Variants in KLKB1 observed in about 807,000 individuals in gnomAD.
KLKB1 encodes plasma kallikrein.
Under a neutral mutation model 73.6 loss-of-function variants are expected in KLKB1, and 58 were observed. The ratio of observed to expected loss-of-function variants is 0.79; its 90% CI spans 0.64 to 0.98. KLKB1 has a LOEUF of 0.98. Among genes scored for constraint, KLKB1 ranks in the 50% least tolerant of loss-of-function variants. The pLI is 0.00. For synonymous variants in KLKB1, 280 were observed against 258.1 expected (o/e 1.08, Z -0.81); for missense variants, 737 against 763.8 (o/e 0.96, Z 0.41).
Position 186,251,656 on chromosome 4 carries a change from G to T in KLKB1, c.1031+7G>T, listed in dbSNP as rs1738682305. 1 of 1,613,358 alleles carries T rather than the reference G, an allele frequency of 6.2e-7. No homozygotes were observed. The highest frequency in any genetic ancestry group is 8.5e-7 in the Non-Finnish European group (1 of 1,179,542). On this transcript the variant is annotated splice_region_variant and intron_variant, in intron 9 of 14. Coordinates refer to ENST00000264690, the MANE Select transcript of KLKB1 (RefSeq NM_000892.5). ...AAGACTGTAAGGAAGAGAAGTAAAG[G>T]AAATTTTATTTTTCAAAGACAGTTG...
Position 186,252,020 on chromosome 4 carries a change from G to A in KLKB1, c.1148G>A (p.Cys383Tyr). 6.2e-7 allele frequency: 1 copy of A among 1,614,182 alleles called. No homozygotes were observed. Among genetic ancestry groups the A allele is most frequent in the Non-Finnish European group, 8.5e-7 (1 of 1,180,048 alleles). ...RLCNTGDNSVCTTKTSTRIVG... is the reference protein window; with the variant it reads ...RLCNTGDNSVYTTKTSTRIVG... ...AGCGTCAACGCTCTCTTTTCAGTCT[G>A]CACAACAAAAACAAGCACACGCATT... The change falls in exon 11 of 15, where the codon TGC becomes TAC. Residue 383 changes from cysteine (C) to tyrosine (Y), a missense_variant. Transcript: ENST00000264690.
chr4:186,216,328 G>T (rs10004932), intron 2 of KLKB1, among the ~76,000 whole-genome samples: 1 of 152,032 alleles, frequency 6.6e-6, no homozygotes, highest in Non-Finnish European at 1.5e-5. Context: ...GCAAGCCCCA[G>T]TCCTACCAGC....
chr4:186,219,610 C>T (rs1736989152), intron 2 of KLKB1, among the ~76,000 whole-genome samples: 1 of 152,182 alleles, frequency 6.6e-6, no homozygotes, highest in Non-Finnish European at 1.5e-5. Flanking sequence ...ATGACAATTA[C>T]AGTCCTCATT....
chr4:186,217,732 G>A (rs543402537), intron 2 of KLKB1, among the ~76,000 whole-genome samples: 1 of 152,234 alleles, frequency 6.6e-6, no homozygotes, highest in South Asian at 2.1e-4. Context: ...AAGGATAGAA[G>A]TTTGCAAGGA....
intron 3 of KLKB1, among the ~76,000 whole-genome samples, chr4:186,232,680 A>G (rs1737455646): frequency 6.6e-6 from 1 of 152,230 alleles, no homozygotes; most frequent in Non-Finnish European, 1.5e-5. Context: ...ACATTAGCGG[A>G]TAGCACAGTC....
At chr4:186,250,895 T>A in intron 7 of KLKB1, 1 of 376,670 alleles carries the variant, frequency 2.7e-6, no homozygotes, top group Non-Finnish European at 4.9e-6. Context: ...TGTCTAGTTA[T>A]GTAATATCAT....
chr4:186,239,860 C>T (rs1266715515), intron 6 of KLKB1, among the ~76,000 whole-genome samples: 1 of 146,230 alleles, frequency 6.8e-6, no homozygotes, highest in Non-Finnish European at 1.5e-5. Context: ...TGATATAGGA[C>T]AGTGATATTG....
At chr4:186,232,084 T>C in intron 2 of KLKB1, 43 bp from the exon 3 acceptor site, 2 of 1,499,410 alleles carry the variant, frequency 1.3e-6, no homozygotes, top group Non-Finnish European at 1.8e-6. Context: ...ATTAAAATTA[T>C]TATATGAATT....
At chr4:186,251,045 C>T in intron 7 of KLKB1, 174 bp from the exon 8 acceptor site, 1 of 597,602 alleles carries the variant, frequency 1.7e-6, no homozygotes, top group Non-Finnish European at 2.9e-6. Flanking sequence ...GCTTGATTTA[C>T]ATTTAATCTC....
At chr4:186,248,331 T>C (rs1738492351) in intron 6 of KLKB1, among the ~76,000 whole-genome samples, 1 of 151,956 alleles carries the variant, frequency 6.6e-6, no homozygotes, top group Non-Finnish European at 1.5e-5. Flanking sequence ...CTCCATTCCC[T>C]ACTCCTCCAA....
chr4:186,213,640 C>A (rs1471371290), intron 2 of KLKB1, among the ~76,000 whole-genome samples: 2 of 152,188 alleles, frequency 1.3e-5, no homozygotes, highest in Non-Finnish European at 2.9e-5. Context: ...AAACCACAGG[C>A]ATCACTGGTC....
At chr4:186,249,995 G>A (rs1738577961) in intron 6 of KLKB1, among the ~76,000 whole-genome samples, 1 of 152,154 alleles carries the variant, frequency 6.6e-6, no homozygotes, top group South Asian at 2.1e-4. Flanking sequence ...GGCAATGGTG[G>A]TGACTGGAGC....
upstream of KLKB1, among the ~76,000 whole-genome samples, chr4:186,226,969 T>C (rs1487870984): frequency 6.6e-6 from 1 of 152,068 alleles, no homozygotes; most frequent in African/African-American, 2.4e-5. Flanking sequence ...TGGTCTGGGG[T>C]GAGCATGGGG....
At chr4:186,228,309 A>C (rs775021465) in intron 2 of KLKB1, 56 bp downstream of exon 2, 71 of 1,078,336 alleles carry the variant, frequency 6.6e-5, no homozygotes, top group Non-Finnish European at 9.8e-5. Flanking sequence ...GTAGCCAAGC[A>C]AGTGGCACCA....
At chr4:186,211,759 AATTAT>A (rs574084304) in intron 2 of KLKB1, 125 of 151,974 alleles carry the variant, frequency 8.2e-4, no homozygotes, top group African/African-American at 2.9e-3. Flanking sequence ...AGGTTTTAAA[AATTAT>A]ATTAGTGGGA....
intron 2 of KLKB1, among the ~76,000 whole-genome samples, chr4:186,228,669 A>G (rs1396868058): frequency 6.6e-6 from 1 of 152,256 alleles, no homozygotes; most frequent in East Asian, 1.9e-4. Context: ...TGTTAGGAAC[A>G]CCATACATAG....
chr4:186,228,352 G>A (rs764077522), intron 2 of KLKB1, 99 bp downstream of exon 2: 76 of 756,868 alleles, frequency 1.0e-4, no homozygotes, highest in Non-Finnish European at 1.5e-4. Context: ...ATACAGCTTC[G>A]GGGGTGGAGA....
chr4:186,256,154 C>T (rs1478435843), intron 13 of KLKB1, 67 bp downstream of exon 13: 15 of 941,492 alleles, frequency 1.6e-5, no homozygotes, highest in South Asian at 2.6e-5. Flanking sequence ...TGGAGTGGGT[C>T]GTTTTAATCG....
chr4:186,218,235 T>C (rs1458347047), intron 2 of KLKB1, among the ~76,000 whole-genome samples: 1 of 152,188 alleles, frequency 6.6e-6, no homozygotes, highest in Non-Finnish European at 1.5e-5. Flanking sequence ...AAGATTTCAG[T>C]GTTATATGAT....
Sources: gnomAD v4.1 joint callset for allele counts (sites outside exome capture counted in the v4.1 genomes callset) on GRCh38, gnomAD v4.1.1 for gene constraint, MANE v1.5 for transcripts, NCBI Gene and HGNC (gene_info 2026-07-23, HGNC 2026-07-21) for gene names.